Variants in MED12L observed in about 807,000 individuals in gnomAD.
MED12L encodes mediator complex subunit 12L.
Under a neutral mutation model 281.3 loss-of-function variants are expected in MED12L, and 60 were observed. The ratio of observed to expected loss-of-function variants is 0.21; its 90% CI spans 0.17 to 0.26. The LOEUF (loss-of-function observed/expected upper bound fraction) is 0.26. Among genes scored for constraint, MED12L ranks in the 10% least tolerant of loss-of-function variants. The pLI is 1.00. For missense variants in MED12L, 2,146 were observed against 2,680.9 expected, an observed-to-expected ratio of 0.80 and a Z score of 4.41; for synonymous variants, 974 against 987.2, an observed-to-expected ratio of 0.99 and a Z score of 0.25.
chr3:151,219,284 C>T (rs891387442), intron 16 of MED12L, among the ~76,000 whole-genome samples: 42 of 152,168 alleles, frequency 2.8e-4, no homozygotes, highest in Admixed American at 1.3e-4. Context: ...TTAATTGATA[C>T]AAGGCTGTGC....
At chr3:151,403,617 A>G (rs1174000598) in intron 39 of MED12L, among the ~76,000 whole-genome samples, 4 of 152,194 alleles carry the variant, frequency 2.6e-5, no homozygotes, top group African/African-American at 9.7e-5. Flanking sequence ...TGGGCTAGCT[A>G]AGAATGCATG....
At position 151,160,017 on chromosome 3, in the gene MED12L, G is replaced by A. The variant is rs761196228; in HGVS notation, c.1023G>A (p.Met341Ile). 2 of 1,614,226 alleles carry A rather than the reference G, an allele frequency of 1.2e-6. No individual in the cohort carries two copies. Among genetic ancestry groups the A allele is most frequent in the South Asian group, 2.2e-5 (2 of 91,080 alleles). ...GCCCTGGCCCCCCCGGCCCTGGCAT[G>A]AGCCCCGTGCAGCTGGCCTTCTCAG... ...APSPGPPGPG[M>I]SPVQLAFSDF... is the part of the protein sequence containing the mutation. The change falls in exon 8 of 45, where the codon ATG (methionine) becomes ATA (isoleucine). Residue 341 changes from methionine to isoleucine, a missense_variant. Transcript: ENST00000687756.
chr3:151,335,198 T>C (rs1456394485), intron 16 of MED12L, among the ~76,000 whole-genome samples: 1 of 152,332 alleles, frequency 6.6e-6, no homozygotes, highest in East Asian at 1.9e-4. Context: ...GTCACCCTAT[T>C]GTGCTATGGA....
intron 2 of MED12L, among the ~76,000 whole-genome samples, chr3:151,095,245 T>C (rs898102529): frequency 1.3e-5 from 2 of 152,222 alleles, no homozygotes. Context: ...GTTGATACCA[T>C]GTTGGTAGCT....
intron 39 of MED12L, among the ~76,000 whole-genome samples, chr3:151,405,267 A>G (rs529514571): frequency 2.0e-5 from 3 of 152,306 alleles, no homozygotes; most frequent in East Asian, 3.9e-4. Flanking sequence ...TAAAGAGACC[A>G]TGTGTAGGAA....
chr3:151,269,979 T>A (rs1268364481), intron 16 of MED12L: 3 of 309,206 alleles, frequency 9.7e-6, no homozygotes, highest in Non-Finnish European at 1.9e-5. Context: ...CAGTACTACT[T>A]GGTTTTCAAT....
Position 151,385,062 on chromosome 3 carries a change from T to C in MED12L, c.4959T>C (p.Ile1653=). The change falls in exon 36 of 45, where the codon ATT becomes ATC. Residue 1653 remains isoleucine, a synonymous_variant. Transcript: ENST00000687756. Reference sequence around the variant, plus strand: ...TAGGAGACAAGCGATCAGAAAGTATTGACAAAGTTCGACAGTTACTACCTT... The same window carrying C: ...TAGGAGACAAGCGATCAGAAAGTATCGACAAAGTTCGACAGTTACTACCTT... ...KELGDKRSES[I]DKVRQLLPLP... 1 of 1,604,522 alleles carries C rather than the reference T, an allele frequency of 6.2e-7. No homozygotes were observed. Among genetic ancestry groups the C allele is most frequent in the Non-Finnish European group, 8.5e-7 (1 of 1,172,132 alleles).
At chr3:151,239,192 T>C (rs1230436328) in intron 16 of MED12L, among the ~76,000 whole-genome samples, 1 of 152,222 alleles carries the variant, frequency 6.6e-6, no homozygotes, top group Non-Finnish European at 1.5e-5. Flanking sequence ...ACATGACCAA[T>C]GTATGATGTT....
chr3:151,275,149 A>G (rs551762375), intron 16 of MED12L, among the ~76,000 whole-genome samples: 5 of 152,268 alleles, frequency 3.3e-5, no homozygotes, highest in African/African-American at 1.2e-4. Flanking sequence ...TCTAGAGGCT[A>G]TAAGTGATGT....
rs1238106374 is a variant in MED12L, at chr3:151,327,970, A to T, written c.2251-22089A>T. On this transcript the variant is annotated intron_variant, in intron 16 of 44. Coordinates refer to ENST00000687756, the MANE Select transcript of MED12L (RefSeq NM_001393769.1). The stretch of plus-strand genomic sequence containing the variant: ...TACGGAAGTCTCATCAATAAATAGA[A>T]GTTAACCCTATGTACAGTTGTCAGC... The T allele has an allele frequency of 8.1e-6, 12 of 1,486,362 alleles. No individual in the cohort carries two copies. In the Admixed American group the frequency reaches 3.0e-4, roughly 37 times the overall value. The allele number at this position is 1,486,362 out of a possible 1,614,324, so 92.1% of individuals were successfully genotyped here. A position where few individuals can be genotyped will look rare whatever the true frequency, so the allele number is the denominator to read the frequency against.
At chr3:151,319,685 A>G (rs1160670537) in intron 16 of MED12L, among the ~76,000 whole-genome samples, 3 of 152,146 alleles carry the variant, frequency 2.0e-5, no homozygotes, top group African/African-American at 7.2e-5. Flanking sequence ...CCCCACTCCA[A>G]CATATTTACT....
chr3:151,355,159 G>C lies in MED12L; in HGVS notation c.2437G>C (p.Glu813Gln). 1 of 1,614,020 alleles carries C rather than the reference G, an allele frequency of 6.2e-7. No individual in the cohort carries two copies. Among genetic ancestry groups the C allele is most frequent in the Non-Finnish European group, 8.5e-7 (1 of 1,179,932 alleles). ...EGQKARKNKQ[E>Q]TFPTLETVFT... ...ACAAAAAGCCAGGAAGAACAAACAGGAGACATTTCCAACACTGGAGACTGT... is the reference window on the plus strand; with the variant it reads ...ACAAAAAGCCAGGAAGAACAAACAGCAGACATTTCCAACACTGGAGACTGT... Residue 813 changes from glutamate to glutamine, a missense_variant, in exon 18 of 45, where the codon GAG becomes CAG. Physicochemically the swap from Glu to Gln is conservative, Grantham distance 29 (BLOSUM62 2). This residue lies in a region of MED12L where 404 missense variants were observed against 603.5 expected (regional missense o/e 0.67). Transcript: ENST00000687756.
chr3:151,227,422 G>A lies in MED12L; in HGVS notation c.2250+33756G>A, dbSNP rs181369944. On this transcript the variant is annotated intron_variant, in intron 16 of 44. Transcript: ENST00000687756. ...TGATTATGTGTGAGAATGGTAAGGGGGGACGGATTAGGTTGGATTTATAAA... is the reference window on the plus strand; with the variant it reads ...TGATTATGTGTGAGAATGGTAAGGGAGGACGGATTAGGTTGGATTTATAAA... Among the ~76,000 whole-genome samples the A allele has an allele frequency of 3.0e-3, 456 of 152,308 alleles. 1 individual carries two copies. The highest frequency in any genetic ancestry group is 0.01 in the African/African-American group (431 of 41,556).
rs1408066021 is a variant in MED12L, at chr3:151,085,690, G to C, written c.-376G>C. The C allele has an allele frequency of 6.6e-6, 1 of 151,948 alleles. No homozygotes were observed. The highest frequency in any genetic ancestry group is 1.9e-4 in the East Asian group (1 of 5,130). The allele number at this position is 151,948 out of a possible 1,614,324, so 9.4% of individuals were successfully genotyped here. On this transcript the variant is annotated 5_prime_UTR_variant, in exon 1 of 45. Coordinates refer to ENST00000687756, the MANE Select transcript of MED12L (RefSeq NM_001393769.1). Reference sequence around the variant, plus strand: ...TGCTCAGTGCGGACGCCGCGCCGCCGTCCGCCAACTCGGAAGCTCGCGCTC... The same window carrying C: ...TGCTCAGTGCGGACGCCGCGCCGCCCTCCGCCAACTCGGAAGCTCGCGCTC...
Position 151,163,935 on chromosome 3 carries a change from T to G in MED12L, c.1150T>G (p.Ser384Ala). ...CCPSALVWNYSTNENKSANPG... is the reference protein window; with the variant it reads ...CCPSALVWNYATNENKSANPG... ...CCCAAGTGCCTTGGTGTGGAATTAT[T>G]CCACAAATGAAAATAAGAGCGCAAA... is the stretch of plus-strand genomic sequence containing the variant. The change falls in exon 9 of 45, where the codon TCC (serine) becomes GCC (alanine). Residue 384 changes from serine (S) to alanine (A), a missense_variant. Physicochemically the swap from Ser to Ala is moderately conservative, Grantham distance 99. Around this residue, in one of 9 missense-constraint regions of MED12L, gnomAD observed 722 missense variants for 861.2 expected, o/e 0.84. Transcript: ENST00000687756. The G allele has an allele frequency of 6.2e-7, 1 of 1,613,702 alleles. No homozygotes were observed. Among genetic ancestry groups the G allele is most frequent in the Non-Finnish European group, 8.5e-7 (1 of 1,179,778 alleles).
intron 27 of MED12L, among the ~76,000 whole-genome samples, chr3:151,374,273 C>T (rs901796776): frequency 1.6e-4 from 24 of 152,170 alleles, no homozygotes; most frequent in African/African-American, 2.4e-4. Context: ...TAGGCTAGGG[C>T]GCAGCGGCTC....
intron 5 of MED12L, among the ~76,000 whole-genome samples, chr3:151,143,377 A>C (rs1465364008): frequency 6.6e-6 from 1 of 152,252 alleles, no homozygotes; most frequent in East Asian, 1.9e-4. Context: ...CTCTAACTAC[A>C]GCTGATCATG....
chr3:151,351,040 C>T (rs964932980), intron 17 of MED12L, among the ~76,000 whole-genome samples: 2 of 152,150 alleles, frequency 1.3e-5, no homozygotes, highest in Admixed American at 6.5e-5. Flanking sequence ...TTTGTGTTTA[C>T]TCTATGTAAA....
chr3:151,106,212 T>TTTTC (rs1254135994), intron 2 of MED12L, among the ~76,000 whole-genome samples: 15 of 149,166 alleles, frequency 1.0e-4, no homozygotes, highest in Non-Finnish European at 2.0e-4. Flanking sequence ...TTCTGTTTTT[T>TTTTC]TTTCTTTCTT....
Sources: allele counts gnomAD v4.1 joint callset (sites outside exome capture counted in the v4.1 genomes callset), GRCh38; gene constraint gnomAD v4.1.1; regional missense constraint gnomAD v4.1.1; transcripts MANE v1.5; gene names NCBI Gene and HGNC (gene_info 2026-07-23, HGNC 2026-07-21).